LINGO2: variants seen among roughly 807,000 people sequenced by gnomAD.
The protein encoded by LINGO2 is leucine rich repeat and Ig domain containing 2, also known as leucine-rich repeat and immunoglobulin-like domain-containing nogo receptor-interacting protein 2.
Under a neutral mutation model 30.6 loss-of-function variants are expected in LINGO2, and 14 were observed. The observed-to-expected ratio is 0.46, with a 90% CI of 0.30 to 0.72. The LOEUF (loss-of-function observed/expected upper bound fraction) is 0.72. Ranked by LOEUF, LINGO2 falls within the 30% of genes least tolerant of loss-of-function variation. The pLI, the probability that LINGO2 is intolerant of heterozygous loss-of-function variation, is 0.07. For synonymous variants in LINGO2, 317 were observed against 288.5 expected (o/e 1.10, Z -1.00); for missense variants, 729 against 751.7 (o/e 0.97, Z 0.35).
chr9:28,788,710 C>A, the LINGO2 span, among the ~76,000 whole-genome samples: 3 of 152,068 alleles, frequency 2.0e-5, no homozygotes, highest in Non-Finnish European at 4.4e-5. Context: ...GGTGGAAGAG[C>A]CCCTTGTAAA....
At chr9:28,091,066 G>A (rs989244519) in intron 4 of LINGO2, among the ~76,000 whole-genome samples, 1 of 152,034 alleles carries the variant, frequency 6.6e-6, no homozygotes, top group African/African-American at 2.4e-5. Context: ...AATAAAAGAG[G>A]ACACAAACAA....
intron 4 of LINGO2, among the ~76,000 whole-genome samples, chr9:28,175,045 C>A (rs1202590690): frequency 2.0e-5 from 3 of 152,024 alleles, no homozygotes; most frequent in African/African-American, 7.2e-5. Context: ...CAGCATCAGG[C>A]AGATTTCGTG....
At chr9:28,677,275 C>T in the LINGO2 span, among the ~76,000 whole-genome samples, 5 of 152,086 alleles carry the variant, frequency 3.3e-5, no homozygotes, top group African/African-American at 9.7e-5. Context: ...TAATGGCATT[C>T]GGATAACAAT....
intron 4 of LINGO2, among the ~76,000 whole-genome samples, chr9:28,172,459 A>C (rs752696404): frequency 1.3e-5 from 2 of 152,156 alleles, no homozygotes; most frequent in Non-Finnish European, 2.9e-5. Context: ...CACTGAATCC[A>C]CCTAAGAACC....
intron 2 of LINGO2, among the ~76,000 whole-genome samples, chr9:28,377,909 A>G (rs1821192938): frequency 6.6e-6 from 1 of 152,206 alleles, no homozygotes; most frequent in Non-Finnish European, 1.5e-5. Context: ...ATCAGAACAC[A>G]GAAGTTACCT....
At chr9:29,153,914 C>T in the LINGO2 span, among the ~76,000 whole-genome samples, 1 of 152,222 alleles carries the variant, frequency 6.6e-6, no homozygotes, top group East Asian at 1.9e-4. Flanking sequence ...AGAACAACTG[C>T]CTCAACCTTG....
chr9:28,298,821 G>T (rs1824026696), intron 3 of LINGO2, among the ~76,000 whole-genome samples: 1 of 152,170 alleles, frequency 6.6e-6, no homozygotes, highest in East Asian at 1.9e-4. Flanking sequence ...ATACAGAAGT[G>T]ATTGATAAAT....
chr9:28,437,970 T>C (rs890645936), intron 2 of LINGO2, among the ~76,000 whole-genome samples: 1 of 152,196 alleles, frequency 6.6e-6, no homozygotes, highest in African/African-American at 2.4e-5. Context: ...CTTTTTTTCA[T>C]ACAATAATTA....
At chr9:28,782,592 G>A in the LINGO2 span, among the ~76,000 whole-genome samples, 1 of 152,170 alleles carries the variant, frequency 6.6e-6, no homozygotes, top group Non-Finnish European at 1.5e-5. Context: ...ATTTGACAAA[G>A]AATAATAAGT....
chr9:27,946,719 G>C (rs1823377543), downstream of LINGO2, among the ~76,000 whole-genome samples: 1 of 152,080 alleles, frequency 6.6e-6, no homozygotes, highest in South Asian at 2.1e-4. Flanking sequence ...AGCTTGATTT[G>C]CATTGTTTGA....
At chr9:28,893,316 C>A in the LINGO2 span, among the ~76,000 whole-genome samples, 1 of 151,972 alleles carries the variant, frequency 6.6e-6, no homozygotes, top group Non-Finnish European at 1.5e-5. Flanking sequence ...GTCAGGACAT[C>A]TGACTATTTT....
chr9:28,098,709 G>A (rs748694157), intron 4 of LINGO2, among the ~76,000 whole-genome samples: 5 of 152,166 alleles, frequency 3.3e-5, no homozygotes, highest in Non-Finnish European at 7.3e-5. Context: ...TAGAGTACCA[G>A]TTGGTAGGTG....
At chr9:29,131,327 C>T in the LINGO2 span, among the ~76,000 whole-genome samples, 1 of 152,102 alleles carries the variant, frequency 6.6e-6, no homozygotes, top group Non-Finnish European at 1.5e-5. Context: ...AACAGAGTTT[C>T]ACTTTTCCCC....
chr9:27,972,516 G>T (rs1428943286), intron 5 of LINGO2, among the ~76,000 whole-genome samples: 1 of 152,140 alleles, frequency 6.6e-6, no homozygotes, highest in African/African-American at 2.4e-5. Context: ...CAGATCCACA[G>T]TGCAGAGTCT....
At chr9:28,977,623 G>C in the LINGO2 span, among the ~76,000 whole-genome samples, 2 of 151,958 alleles carry the variant, frequency 1.3e-5, no homozygotes, top group African/African-American at 4.8e-5. Flanking sequence ...CCAAATCAAA[G>C]CTCAAACTAA....
At chr9:28,845,101 A>G in the LINGO2 span, among the ~76,000 whole-genome samples, 1 of 151,882 alleles carries the variant, frequency 6.6e-6, no homozygotes, top group African/African-American at 2.4e-5. Flanking sequence ...AGGTCAGCCC[A>G]ATGCATTACA....
intron 5 of LINGO2, among the ~76,000 whole-genome samples, chr9:28,004,323 TGTTA>T (rs1822148025): frequency 6.6e-6 from 1 of 152,220 alleles, no homozygotes; most frequent in South Asian, 2.1e-4. Context: ...GACAGTAGCC[TGTTA>T]GTTCATTAAA....
intron 1 of LINGO2, among the ~76,000 whole-genome samples, chr9:28,485,481 A>C (rs1826134427): frequency 6.6e-6 from 1 of 152,132 alleles, no homozygotes; most frequent in African/African-American, 2.4e-5. Flanking sequence ...AATGACATTA[A>C]ATAATAGTAG....
At chr9:28,664,662 G>A (rs1016949960) in intron 1 of LINGO2, among the ~76,000 whole-genome samples, 2 of 151,930 alleles carry the variant, frequency 1.3e-5, no homozygotes, top group African/African-American at 4.8e-5. Flanking sequence ...CAGAACCAAG[G>A]AATCTCTCCA....
Sources: gnomAD v4.1 joint callset for allele counts (sites outside exome capture counted in the v4.1 genomes callset) on GRCh38, gnomAD v4.1.1 for gene constraint, MANE v1.5 for transcripts, NCBI Gene and HGNC (gene_info 2026-07-23, HGNC 2026-07-21) for gene names.